The following ASXL1 variants were observed in gnomAD, a reference collection of about 807,000 sequenced individuals.
ASXL1 encodes the protein ASXL transcriptional regulator 1.
Under a neutral mutation model 89.1 loss-of-function variants are expected in ASXL1, and 65 were observed. The observed-to-expected ratio is 0.73, with a 90% CI of 0.60 to 0.90. ASXL1 has a LOEUF of 0.90. Ranked by LOEUF, ASXL1 falls within the 40% of genes least tolerant of loss-of-function variation. The probability of loss-of-function intolerance (pLI) is 0.00; values close to 1 mark genes in which losing one functional copy is unlikely to be tolerated. For missense variants in ASXL1, 1,786 were observed against 1,942.9 expected, an observed-to-expected ratio of 0.92 and a Z score of 1.52; for synonymous variants, 739 against 746.9, an observed-to-expected ratio of 0.99 and a Z score of 0.17.
rs113362074 is a variant in ASXL1, at chr20:32,422,738, C to T, written c.253-5390C>T. ...AGTAGCTGGGATTACAAGCGTGCAC[C>T]ACCATGCCCGGCTAATTTTTGTATT... On this transcript the variant is annotated intron_variant, in intron 4 of 12. Coordinates refer to ENST00000375687, the MANE Select transcript of ASXL1 (RefSeq NM_015338.6). Among the ~76,000 whole-genome samples, 1,480 of 151,608 alleles carry T rather than the reference C, an allele frequency of 9.8e-3. 19 individuals carry two copies. The highest frequency in any genetic ancestry group is 0.034 in the African/African-American group (1,401 of 41,282).
intron 4 of ASXL1, among the ~76,000 whole-genome samples, chr20:32,371,096 C>T (rs1254935521): frequency 2.6e-5 from 4 of 151,764 alleles, no homozygotes; most frequent in Non-Finnish European, 4.4e-5. Context: ...CACCACTGCT[C>T]TCCAGCCTGG....
chr20:32,434,607 G>GC lies in ASXL1; in HGVS notation c.1897dup (p.His633ProfsTer2). ...GTCCGAGGGGCGAGAGGTCACCACT[G>GC]CCATAGAGAGGCGGCCACCACTGCC... On this transcript the variant is annotated frameshift_variant, in exon 13 of 13. Transcript: ENST00000375687. LOFTEE classifies it low-confidence loss of function (END_TRUNC). 1 of 1,611,602 alleles carries GC rather than the reference G, an allele frequency of 6.2e-7. No homozygotes were observed. Among genetic ancestry groups the GC allele is most frequent in the Non-Finnish European group, 8.5e-7 (1 of 1,178,924 alleles).
chr20:32,414,463 A>G (rs949279986), intron 4 of ASXL1, among the ~76,000 whole-genome samples: 1 of 151,936 alleles, frequency 6.6e-6, no homozygotes, highest in Non-Finnish European at 1.5e-5. Context: ...GGTCCCGACT[A>G]CTGGGGAGGC....
At chr20:32,418,552 A>G (rs1333040666) in intron 4 of ASXL1, among the ~76,000 whole-genome samples, 1 of 152,146 alleles carries the variant, frequency 6.6e-6, no homozygotes, top group African/African-American at 2.4e-5. Context: ...GTCTGATTGC[A>G]TAATATTTCC....
rs770534749 is a variant in ASXL1, at chr20:32,432,874, C to T, written c.980-6C>T. On this transcript the variant is annotated splice_polypyrimidine_tract_variant and splice_region_variant and intron_variant, in intron 10 of 12. Transcript: ENST00000375687. ...CACTTACTAGAAGAGGTTTATTTCT[C>T]CCTAGGTGAATTTACTCATGAGATG... 2.0e-5 allele frequency: 32 copies of T among 1,613,442 alleles called. No homozygotes were observed. Among genetic ancestry groups the T allele is most frequent in the Non-Finnish European group, 2.3e-5 (27 of 1,179,846 alleles).
chr20:32,358,703 G>C lies in ASXL1; in HGVS notation c.-73G>C. 1.1e-6 allele frequency: 1 copy of C among 920,818 alleles called. No homozygotes were observed. The highest frequency in any genetic ancestry group is 1.5e-6 in the Non-Finnish European group (1 of 680,726). 57.0% of individuals were successfully genotyped at this position (920,818 alleles called of 1,614,324 possible). ...CCCCCCCACCGCCGCCGCCGCCCCA[G>C]CCCCGCGCCACCGCCCCAGCCCGCC... On this transcript the variant is annotated 5_prime_UTR_variant, in exon 1 of 13. Transcript: ENST00000375687.
At chr20:32,363,037 A>G (rs1456288773) in intron 1 of ASXL1, among the ~76,000 whole-genome samples, 1 of 151,420 alleles carries the variant, frequency 6.6e-6, no homozygotes, top group Non-Finnish European at 1.5e-5. Flanking sequence ...AAGAGAAGAG[A>G]TACTTAAAAA....
chr20:32,410,310 T>C (rs2049021552), intron 4 of ASXL1, among the ~76,000 whole-genome samples: 1 of 152,200 alleles, frequency 6.6e-6, no homozygotes, highest in Non-Finnish European at 1.5e-5. Context: ...TATTCCTTTA[T>C]TTAGTTTTTA....
intron 4 of ASXL1, among the ~76,000 whole-genome samples, chr20:32,398,856 G>A (rs551854449): frequency 6.9e-4 from 105 of 151,630 alleles, no homozygotes; most frequent in African/African-American, 2.4e-3. Context: ...TGATCCGCCC[G>A]CCTCGGCCTC....
chr20:32,409,854 A>G (rs2123100127), intron 4 of ASXL1, among the ~76,000 whole-genome samples: 1 of 152,362 alleles, frequency 6.6e-6, no homozygotes, highest in East Asian at 1.9e-4. Flanking sequence ...ATCACATGGT[A>G]CATTTGTTTG....
chr20:32,412,899 A>G (rs1405124264), intron 4 of ASXL1, among the ~76,000 whole-genome samples: 3 of 152,056 alleles, frequency 2.0e-5, no homozygotes, highest in Non-Finnish European at 2.9e-5. Flanking sequence ...GGGGGATTTG[A>G]TACTATTAAC....
At chr20:32,413,360 T>A (rs2049082079) in intron 4 of ASXL1, among the ~76,000 whole-genome samples, 1 of 152,166 alleles carries the variant, frequency 6.6e-6, no homozygotes, top group Non-Finnish European at 1.5e-5. Flanking sequence ...TGTCACTTAC[T>A]CTGAGTATAA....
rs2011908225 is a variant in ASXL1 at position 32,436,630 on chromosome 20, C to T, written c.3918C>T (p.Gly1306=). The change falls in exon 13 of 13, where the codon GGC becomes GGT. Residue 1306 remains glycine, a synonymous_variant. Transcript: ENST00000375687. ...CAGGCCAAGGGAAGAAGCTTTTTGG[C>T]TCTGGGAATGTGGCTGCAACCCTTC... ...NVTGQGKKLF[G]SGNVAATLQR... is the part of the protein sequence containing the mutation. 1 of 1,614,130 alleles carries T rather than the reference C, an allele frequency of 6.2e-7. No homozygotes were observed. Among genetic ancestry groups the T allele is most frequent in the Non-Finnish European group, 8.5e-7 (1 of 1,180,032 alleles).
intron 4 of ASXL1, among the ~76,000 whole-genome samples, chr20:32,375,035 C>T (rs1192194157): frequency 6.6e-6 from 1 of 152,066 alleles, no homozygotes; most frequent in Non-Finnish European, 1.5e-5. Context: ...CATATCTGGT[C>T]AGCGTTTTGC....
intron 4 of ASXL1, among the ~76,000 whole-genome samples, chr20:32,401,288 A>G (rs1053076676): frequency 8.5e-5 from 13 of 152,184 alleles, no homozygotes; most frequent in African/African-American, 3.1e-4. Flanking sequence ...CCATCATTTT[A>G]ATGAAATGCC....
chr20:32,361,156 C>T (rs2048103634), intron 1 of ASXL1, among the ~76,000 whole-genome samples: 1 of 152,162 alleles, frequency 6.6e-6, no homozygotes, highest in African/African-American at 2.4e-5. Context: ...CGAGATGAGC[C>T]TGGGCAACAT....
chr20:32,404,008 T>A lies in ASXL1; in HGVS notation c.253-24120T>A, dbSNP rs553888570. ...TCCATCACCTCAAATATTTATCATTTCTTTATGTTGGGAATTTTTCAACTC... is the reference window on the plus strand; with the variant it reads ...TCCATCACCTCAAATATTTATCATTACTTTATGTTGGGAATTTTTCAACTC... On this transcript the variant is annotated intron_variant, in intron 4 of 12. Coordinates refer to ENST00000375687, the MANE Select transcript of ASXL1 (RefSeq NM_015338.6). Among the ~76,000 whole-genome samples the A allele has an allele frequency of 9.8e-5, 15 of 152,344 alleles. No homozygotes were observed. In the South Asian group the frequency reaches 3.1e-3, roughly 32 times the overall value.
Position 32,358,765 on chromosome 20 carries a change from CG to C in ASXL1, c.-7del, listed in dbSNP as rs1377725772. On this transcript the variant is annotated 5_prime_UTR_variant, in exon 1 of 13. Transcript: ENST00000375687. ...TCCCGCGTGGAGCTGCCGCCGCCGC[CG>C]GGGAGAAGGATGAAGGACAAACAGA... 2 of 1,482,832 alleles carry C rather than the reference CG, an allele frequency of 1.3e-6. No homozygotes were observed. Among genetic ancestry groups the C allele is most frequent in the South Asian group, 1.3e-5 (1 of 79,828 alleles). 91.9% of individuals were successfully genotyped at this position (1,482,832 alleles called of 1,614,324 possible).
chr20:32,398,595 T>C (rs999303370), intron 4 of ASXL1, among the ~76,000 whole-genome samples: 1 of 133,770 alleles, frequency 7.5e-6, no homozygotes. Context: ...GTTTTGTTTT[T>C]TTTGTTTGTT....
Sources: allele counts gnomAD v4.1 joint callset (sites outside exome capture counted in the v4.1 genomes callset), GRCh38; gene constraint gnomAD v4.1.1; transcripts MANE v1.5; gene names NCBI Gene and HGNC (gene_info 2026-07-23, HGNC 2026-07-21).